SLCO5A1: variants seen among roughly 807,000 people sequenced by gnomAD.
SLCO5A1 encodes the protein solute carrier organic anion transporter family member 5A1.
Under a neutral mutation model 65.1 loss-of-function variants are expected in SLCO5A1, and 39 were observed. That is an observed-to-expected ratio of 0.60 (90% confidence interval 0.46 to 0.78). SLCO5A1 has a LOEUF of 0.78. SLCO5A1 is among the 30% of genes least tolerant of loss of function. SLCO5A1 has a pLI of 0.00. For missense variants in SLCO5A1, 1,029 were observed against 1,069.4 expected, an observed-to-expected ratio of 0.96 and a Z score of 0.53; for synonymous variants, 438 against 415.7, an observed-to-expected ratio of 1.05 and a Z score of -0.65.
At chr8:69,783,202 G>C (rs1818874559) in intron 2 of SLCO5A1, among the ~76,000 whole-genome samples, 1 of 152,020 alleles carries the variant, frequency 6.6e-6, no homozygotes, top group Non-Finnish European at 1.5e-5. Context: ...AATGTCTTCA[G>C]ATTAATGGGT....
At chr8:69,714,212 C>T (rs1413293529) in intron 5 of SLCO5A1, among the ~76,000 whole-genome samples, 3 of 146,106 alleles carry the variant, frequency 2.1e-5, no homozygotes, top group African/African-American at 7.5e-5. Flanking sequence ...ATTTAAGGTA[C>T]CTTTTTCTTT....
intron 9 of SLCO5A1, among the ~76,000 whole-genome samples, chr8:69,676,349 T>C (rs7007005): frequency 0.2 from 30,044 of 152,082 alleles, 3,753 homozygotes; most frequent in African/African-American, 0.35. Flanking sequence ...CTGTGCAAAA[T>C]TCTGGGGAAT....
intron 6 of SLCO5A1, among the ~76,000 whole-genome samples, chr8:69,685,650 T>C (rs1813971204): frequency 6.6e-6 from 1 of 152,042 alleles, no homozygotes; most frequent in Admixed American, 6.6e-5. Flanking sequence ...ATAAAAATCA[T>C]GGAATTACAG....
chr8:69,717,250 ATTTAT>A (rs1265698116), intron 5 of SLCO5A1, among the ~76,000 whole-genome samples: 6 of 152,106 alleles, frequency 3.9e-5, no homozygotes, highest in Non-Finnish European at 5.9e-5. Context: ...AAGGCTTTCG[ATTTAT>A]TTTCAGTTGC....
intron 2 of SLCO5A1, among the ~76,000 whole-genome samples, chr8:69,764,817 C>T (rs953007913): frequency 6.6e-6 from 1 of 152,116 alleles, no homozygotes; most frequent in Non-Finnish European, 1.5e-5. Context: ...AAAATAGTTC[C>T]TCTGGCATGA....
intron 6 of SLCO5A1, among the ~76,000 whole-genome samples, chr8:69,688,124 A>G (rs1268658579): frequency 1.3e-5 from 2 of 152,068 alleles, no homozygotes; most frequent in Non-Finnish European, 2.9e-5. Context: ...TAAAACAAAC[A>G]TTGTGTCTCC....
intron 2 of SLCO5A1, among the ~76,000 whole-genome samples, chr8:69,802,937 G>C (rs1035620345): frequency 6.6e-6 from 1 of 152,188 alleles, no homozygotes; most frequent in African/African-American, 2.4e-5. Context: ...AGCACCCACA[G>C]CACTGTCTGA....
At chr8:69,823,162 A>T (rs1278585608) in intron 2 of SLCO5A1, among the ~76,000 whole-genome samples, 1 of 152,214 alleles carries the variant, frequency 6.6e-6, no homozygotes, top group Admixed American at 6.5e-5. Context: ...TATATGTAAG[A>T]TATAATTACA....
At chr8:69,710,982 T>TG (rs1815217660) in intron 5 of SLCO5A1, among the ~76,000 whole-genome samples, 1 of 149,334 alleles carries the variant, frequency 6.7e-6, no homozygotes, top group South Asian at 2.2e-4. Flanking sequence ...GCAGCAGGGA[T>TG]GGGGTCGGAC....
chr8:69,780,442 TACATATAC>T (rs1818744278), intron 2 of SLCO5A1, among the ~76,000 whole-genome samples: 1 of 152,184 alleles, frequency 6.6e-6, no homozygotes, highest in Admixed American at 6.5e-5. Flanking sequence ...GAAAATGTGG[TACATATAC>T]ACAATGGAAA....
intron 5 of SLCO5A1, among the ~76,000 whole-genome samples, chr8:69,736,407 C>T (rs1278484823): frequency 2.6e-5 from 4 of 152,216 alleles, no homozygotes; most frequent in South Asian, 2.1e-4. Context: ...TGCATTAATG[C>T]CTACCCGGCT....
At chr8:69,810,349 A>T (rs1465465022) in intron 2 of SLCO5A1, among the ~76,000 whole-genome samples, 6 of 152,216 alleles carry the variant, frequency 3.9e-5, no homozygotes, top group Non-Finnish European at 7.3e-5. Context: ...AGTGAGGGTA[A>T]GAAGCGGAGC....
rs1280230835 is a variant in SLCO5A1 at position 69,832,434 on chromosome 8, G to A, written c.240C>T (p.Ala80=). The A allele has an allele frequency of 2.5e-6, 4 of 1,612,964 alleles. No individual in the cohort carries two copies. The highest frequency in any genetic ancestry group is 2.2e-5 in the East Asian group (1 of 44,854). The stretch of plus-strand genomic sequence containing the variant: ...AAGTGGACGGGGCAGAGGGACTGGG[G>A]GCCAACGGGTTCGGGCCTTGCTTCA... ...QELKQGPNPL[A]PSPSAPSTSA... The change falls in exon 2 of 10, where the codon GCC becomes GCT. Residue 80 remains alanine (A), a synonymous_variant. Coordinates refer to ENST00000260126, the MANE Select transcript of SLCO5A1 (RefSeq NM_030958.3). The surrounding 1 kb of genome is among the most constrained non-coding windows in gnomAD (Gnocchi z 4.5).
At chr8:69,792,992 G>GTTTTTT (rs1243374432) in intron 2 of SLCO5A1, among the ~76,000 whole-genome samples, 45 of 150,442 alleles carry the variant, frequency 3.0e-4, no homozygotes, top group African/African-American at 1.1e-3. Flanking sequence ...TTTGTTTTTT[G>GTTTTTT]TTTTGAGACG....
At position 69,824,453 on chromosome 8, in the gene SLCO5A1, C is replaced by T. The variant is rs866758606; in HGVS notation, c.907+7314G>A. ...AAAATGATAAAGGGGATATCACCAC[C>T]GATCCCACAGAAATACAAACTACCA... On this transcript the variant is annotated intron_variant, in intron 2 of 9. Coordinates refer to ENST00000260126, the MANE Select transcript of SLCO5A1 (RefSeq NM_030958.3). 4.3e-3 allele frequency among the ~76,000 whole-genome samples: 648 copies of T among 152,082 alleles called. 6 individuals carry two copies. The highest frequency in any genetic ancestry group is 0.014 in the African/African-American group (582 of 41,498).
At chr8:69,720,441 GA>G (rs1382149398) in intron 5 of SLCO5A1, among the ~76,000 whole-genome samples, 1 of 152,216 alleles carries the variant, frequency 6.6e-6, no homozygotes, top group Non-Finnish European at 1.5e-5. Flanking sequence ...TCACCAAAAT[GA>G]AGACTATGCA....
chr8:69,741,692 G>A (rs1175711191), intron 4 of SLCO5A1, among the ~76,000 whole-genome samples: 1 of 152,184 alleles, frequency 6.6e-6, no homozygotes, highest in Non-Finnish European at 1.5e-5. Flanking sequence ...TATGTACTGA[G>A]CATAGCATCA....
intron 2 of SLCO5A1, among the ~76,000 whole-genome samples, chr8:69,785,984 A>G (rs1819029682): frequency 6.6e-6 from 1 of 152,222 alleles, no homozygotes; most frequent in Non-Finnish European, 1.5e-5. Flanking sequence ...ACTATGTGAA[A>G]TTTTCAAATT....
intron 4 of SLCO5A1, among the ~76,000 whole-genome samples, chr8:69,739,352 A>C (rs1045004821): frequency 2.0e-5 from 3 of 152,192 alleles, no homozygotes; most frequent in African/African-American, 7.2e-5. Context: ...GCTTAGCAGT[A>C]TATTAAAAGC....
Sources: allele counts gnomAD v4.1 joint callset (sites outside exome capture counted in the v4.1 genomes callset), GRCh38; gene constraint gnomAD v4.1.1; non-coding constraint Gnocchi (gnomAD v3.1); transcripts MANE v1.5; gene names NCBI Gene and HGNC (gene_info 2026-07-23, HGNC 2026-07-21).